Variants in C12orf56 observed in about 807,000 individuals in gnomAD.
C12orf56 encodes the protein chromosome 12 open reading frame 56, also known as uncharacterized protein C12orf56.
C12orf56 carries 71 observed loss-of-function variants against 69.9 expected under a neutral mutation model. The ratio of observed to expected loss-of-function variants is 1.02; its 90% confidence interval spans 0.84 to 1.24. The LOEUF is 1.24. Among genes scored for constraint, C12orf56 ranks in the 50% most tolerant of loss-of-function variants. The pLI, the probability that C12orf56 is intolerant of heterozygous loss-of-function variation, is 0.00. For missense variants in C12orf56, 732 were observed against 738.5 expected, an observed-to-expected ratio of 0.99 and a Z score of 0.10; for synonymous variants, 276 against 274.1, an observed-to-expected ratio of 1.01 and a Z score of -0.07.
At chr12:64,309,872 G>A (rs542649434) in intron 5 of C12orf56, among the ~76,000 whole-genome samples, 1 of 152,240 alleles carries the variant, frequency 6.6e-6, no homozygotes, top group Non-Finnish European at 1.5e-5. Context: ...ATACTTCATA[G>A]GTGGTGCTGT....
chr12:64,353,114 G>A (rs550410202), intron 1 of C12orf56, 58 bp from the exon 2 acceptor site: 6 of 1,524,084 alleles, frequency 3.9e-6, no homozygotes, highest in African/African-American at 2.8e-5. Flanking sequence ...ACCTATTTTG[G>A]TATAATAAAT....
intron 1 of C12orf56, among the ~76,000 whole-genome samples, chr12:64,369,982 C>CAA (rs761872853): frequency 2.5e-4 from 19 of 74,794 alleles, no homozygotes; most frequent in Admixed American, 1.7e-3. Flanking sequence ...GACTCTGTCT[C>CAA]AAAAAAAAAA....
Position 64,272,381 on chromosome 12 carries a change from T to C in C12orf56, c.1585-1667A>G, listed in dbSNP as rs553289398. ...TTAGCCAGTCGTGGTGGCAGGTGCC[T>C]GTAATCCCAGCTACTTGGGAGACTG... is the stretch of plus-strand genomic sequence containing the variant. On this transcript the variant is annotated intron_variant, in intron 11 of 12. Coordinates refer to ENST00000543942, the MANE Select transcript of C12orf56 (RefSeq NM_001170633.2). Among the ~76,000 whole-genome samples, 39 of 151,944 alleles carry C rather than the reference T, an allele frequency of 2.6e-4. 2 individuals carry two copies. The South Asian group carries it at 8.1e-3, about 32-fold the overall frequency.
intron 1 of C12orf56, among the ~76,000 whole-genome samples, chr12:64,353,986 C>G (rs1413055480): frequency 6.6e-6 from 1 of 152,012 alleles, no homozygotes; most frequent in Non-Finnish European, 1.5e-5. Flanking sequence ...TGGTCCACTT[C>G]CATTTTAAAA....
At chr12:64,376,723 G>T (rs540671556) in intron 1 of C12orf56, among the ~76,000 whole-genome samples, 82 of 149,958 alleles carry the variant, frequency 5.5e-4, no homozygotes, top group African/African-American at 1.8e-3. Flanking sequence ...TTAGTTTTCT[G>T]TTCCTGCATT....
intron 3 of C12orf56, among the ~76,000 whole-genome samples, chr12:64,328,070 T>C (rs2038866704): frequency 6.6e-6 from 1 of 151,978 alleles, no homozygotes; most frequent in Admixed American, 6.6e-5. Context: ...AGAGACCTCA[T>C]AGGTCCTCTT....
At chr12:64,341,627 G>A (rs537996469) in intron 2 of C12orf56, among the ~76,000 whole-genome samples, 4 of 152,280 alleles carry the variant, frequency 2.6e-5, no homozygotes, top group East Asian at 1.9e-4. Flanking sequence ...AAGGCATTCC[G>A]TGAGTCCACA....
chr12:64,390,748 TC>T lies in C12orf56; in HGVS notation c.-184del. 3 of 772,812 alleles carry T rather than the reference TC, an allele frequency of 3.9e-6. No homozygotes were observed. Among genetic ancestry groups the T allele is most frequent in the Non-Finnish European group, 5.6e-6 (3 of 533,708 alleles). 47.9% of individuals were successfully genotyped at this position (772,812 alleles called of 1,614,324 possible). On this transcript the variant is annotated 5_prime_UTR_variant, in exon 1 of 13. Coordinates refer to ENST00000543942, the MANE Select transcript of C12orf56 (RefSeq NM_001170633.2). The stretch of plus-strand genomic sequence containing the variant: ...CTAGGTCGGCTTCCCTGGAGCGCCC[TC>T]CCCAGCCCTGTCCAGCCTCTCGATC...
chr12:64,354,905 C>T (rs564800724), intron 1 of C12orf56, among the ~76,000 whole-genome samples: 193 of 150,348 alleles, frequency 1.3e-3, no homozygotes, highest in African/African-American at 4.3e-3. Flanking sequence ...ATGGTGAAAC[C>T]GTGTCTGTAC....
chr12:64,319,619 C>T (rs1168415032), intron 3 of C12orf56, among the ~76,000 whole-genome samples: 4 of 152,114 alleles, frequency 2.6e-5, no homozygotes, highest in East Asian at 1.9e-4. Flanking sequence ...TTCCCTAGGC[C>T]GACTAAGAAT....
chr12:64,361,549 C>T (rs970450334), intron 1 of C12orf56, among the ~76,000 whole-genome samples: 1 of 152,162 alleles, frequency 6.6e-6, no homozygotes, highest in African/African-American at 2.4e-5. Context: ...GCTACATTCC[C>T]ACCAGTGCCA....
At chr12:64,352,743 T>A (rs900044297) in intron 2 of C12orf56, 151 bp downstream of exon 2, 8 of 574,784 alleles carry the variant, frequency 1.4e-5, no homozygotes, top group Middle Eastern at 5.1e-4. Flanking sequence ...CATCTTTCAA[T>A]GTGTCCCCAT....
At chr12:64,388,388 C>T (rs1160000389) in intron 1 of C12orf56, among the ~76,000 whole-genome samples, 1 of 151,880 alleles carries the variant, frequency 6.6e-6, no homozygotes, top group Non-Finnish European at 1.5e-5. Context: ...CTTGTACCAC[C>T]GGCATGCACC....
At chr12:64,337,854 C>CAAAAAA (rs748434656) in intron 2 of C12orf56, among the ~76,000 whole-genome samples, 62 of 90,632 alleles carry the variant, frequency 6.8e-4, no homozygotes, top group African/African-American at 1.5e-3. Flanking sequence ...AAAATTCTGT[C>CAAAAAA]AAAAAAAAAA....
chr12:64,317,776 A>T (rs2038708536), intron 4 of C12orf56, among the ~76,000 whole-genome samples: 1 of 152,132 alleles, frequency 6.6e-6, no homozygotes, highest in South Asian at 2.1e-4. Context: ...AAAAAAAAAA[A>T]GATTGCATTT....
chr12:64,368,720 G>C (rs1210716293), intron 1 of C12orf56, among the ~76,000 whole-genome samples: 1 of 152,100 alleles, frequency 6.6e-6, no homozygotes, highest in Non-Finnish European at 1.5e-5. Flanking sequence ...AATCACAGTA[G>C]ACATCTTGAC....
intron 2 of C12orf56, among the ~76,000 whole-genome samples, chr12:64,337,903 G>A (rs954639859): frequency 6.7e-6 from 1 of 149,740 alleles, no homozygotes; most frequent in East Asian, 2.0e-4. Context: ...CCATGAGAAA[G>A]GCAACCTCTT....
chr12:64,319,386 G>A (rs146701055), intron 3 of C12orf56, among the ~76,000 whole-genome samples: 1 of 152,194 alleles, frequency 6.6e-6, no homozygotes, highest in African/African-American at 2.4e-5. Context: ...AGGATATGAA[G>A]AGAGGGGTTT....
intron 1 of C12orf56, among the ~76,000 whole-genome samples, chr12:64,368,418 C>T (rs2039526972): frequency 6.6e-6 from 1 of 151,962 alleles, no homozygotes; most frequent in African/African-American, 2.4e-5. Context: ...ATGAATCGTC[C>T]ACCTATGGAG....
Sources: allele counts gnomAD v4.1 joint callset (sites outside exome capture counted in the v4.1 genomes callset), GRCh38; gene constraint gnomAD v4.1.1; transcripts MANE v1.5; gene names NCBI Gene and HGNC (gene_info 2026-07-23, HGNC 2026-07-21).